Variants in MEIG1 observed in about 807,000 individuals in gnomAD.
MEIG1 encodes meiosis/spermiogenesis associated 1.
Under a neutral mutation model 11.3 loss-of-function variants are expected in MEIG1, and 12 were observed. The observed-to-expected ratio is 1.07, with a 90% confidence interval of 0.68 to 1.73. The LOEUF (loss-of-function observed/expected upper bound fraction) is 1.73, where lower values mean the gene tolerates loss of function less well. Ranked by LOEUF, MEIG1 falls within the 40% of genes most tolerant of loss-of-function variation. The pLI is 0.00. For synonymous variants in MEIG1, 41 were observed against 33.2 expected (o/e 1.24, Z -0.81); for missense variants, 119 against 104.9 (o/e 1.13, Z -0.59).
Position 14,964,636 on chromosome 10 carries a change from CTTTTTTTT to C in MEIG1, c.-29-1789_-29-1782del, listed in dbSNP as rs35249492. Among the ~76,000 whole-genome samples, 5 of 49,224 alleles carry C rather than the reference CTTTTTTTT, an allele frequency of 1.0e-4. No homozygotes were observed. In the South Asian group the frequency reaches 4.9e-3, roughly 48 times the overall value. The allele number at this position is 49,224 out of a possible 152,430, so 32.3% of individuals were successfully genotyped here. A position where few individuals can be genotyped will look rare whatever the true frequency, so the allele number is the denominator to read the frequency against. ...ACACACACACACATATATATGTATA[CTTTTTTTT>C]TTTTTTTTTTTTTTGGAGCCAGAGT... is the stretch of plus-strand genomic sequence containing the variant. On this transcript the variant is annotated intron_variant, in intron 1 of 2. Coordinates refer to ENST00000407572, the MANE Select transcript of MEIG1 (RefSeq NM_001080836.3).
chr10:14,970,027 C>T lies in MEIG1; in HGVS notation c.139-2486C>T, dbSNP rs535281093. 2.0e-5 allele frequency among the ~76,000 whole-genome samples: 3 copies of T among 152,286 alleles called. No homozygotes were observed. In the South Asian group the frequency reaches 6.2e-4, roughly 32 times the overall value. On this transcript the variant is annotated intron_variant, in intron 2 of 2. Transcript: ENST00000407572. ...ATCACTTCCTTCCAGGGACAATCCC[C>T]AGAGAGGGCTTAGTGTCCCCAGTGG...
chr10:14,987,016 T>C (rs892669896), intron 2 of MEIG1: 15 of 628,906 alleles, frequency 2.4e-5, no homozygotes, highest in South Asian at 1.3e-4. Flanking sequence ...GACACAGAGG[T>C]GAGGATTCAT....
intron 1 of MEIG1, among the ~76,000 whole-genome samples, chr10:14,981,165 G>A (rs1178470304): frequency 8.6e-5 from 13 of 150,718 alleles, no homozygotes; most frequent in African/African-American, 3.2e-4. Flanking sequence ...AGTCTTAACT[G>A]GCCAACTCTG....
At chr10:14,985,703 C>A (rs1843311905) in intron 1 of MEIG1, among the ~76,000 whole-genome samples, 1 of 151,854 alleles carries the variant, frequency 6.6e-6, no homozygotes, top group Admixed American at 6.6e-5. Flanking sequence ...AGGTGTACAC[C>A]TTGTGACGTG....
chr10:14,976,839 C>T (rs1843215026), downstream of MEIG1, among the ~76,000 whole-genome samples: 1 of 151,974 alleles, frequency 6.6e-6, no homozygotes, highest in African/African-American at 2.4e-5. Flanking sequence ...CGTGTAGACC[C>T]TGTCATGAAA....
chr10:14,958,143 C>T (rs1028524471), upstream of MEIG1, among the ~76,000 whole-genome samples: 1 of 152,148 alleles, frequency 6.6e-6, no homozygotes, highest in Non-Finnish European at 1.5e-5. Flanking sequence ...TACTAAAAGA[C>T]ATGAAGAAGG....
intron 1 of MEIG1, among the ~76,000 whole-genome samples, chr10:14,961,155 G>A (rs1295976953): frequency 6.6e-6 from 1 of 152,194 alleles, no homozygotes; most frequent in Non-Finnish European, 1.5e-5. Flanking sequence ...AACGTCCTCA[G>A]AACACTTAGC....
At position 14,972,657 on chromosome 10, in the gene MEIG1, T is replaced by A; in HGVS notation, c.*16T>A. The A allele has an allele frequency of 6.4e-7, 1 of 1,574,406 alleles. No homozygotes were observed. On this transcript the variant is annotated 3_prime_UTR_variant, in exon 3 of 3. Transcript: ENST00000407572. ...TGCTTACTAGCCTGTCTTCTTTGTA[T>A]TACTTGTCAATTATATTTTAAGTAT...
chr10:14,978,934 G>A (rs540567446), intron 1 of MEIG1, among the ~76,000 whole-genome samples: 1 of 152,124 alleles, frequency 6.6e-6, no homozygotes, highest in Admixed American at 6.5e-5. Flanking sequence ...AATCACAGGT[G>A]TTCTACACCC....
At chr10:14,975,191 A>G (rs1843197647), downstream of MEIG1, among the ~76,000 whole-genome samples, 1 of 151,886 alleles carries the variant, frequency 6.6e-6, no homozygotes, top group African/African-American at 2.4e-5. Flanking sequence ...GGAAATGTAC[A>G]CCCTTTCTGT....
downstream of MEIG1, among the ~76,000 whole-genome samples, chr10:14,975,088 T>C (rs1843196637): frequency 6.6e-6 from 1 of 152,080 alleles, no homozygotes; most frequent in Non-Finnish European, 1.5e-5. Flanking sequence ...GCGTATGACG[T>C]TACTCCCAAT....
At chr10:14,966,063 A>ATTTTT (rs1554805988) in intron 1 of MEIG1, among the ~76,000 whole-genome samples, 2 of 58,096 alleles carry the variant, frequency 3.4e-5, no homozygotes, top group Non-Finnish European at 6.9e-5. Context: ...AGTTTTATTT[A>ATTTTT]TTCTTTTTTT....
upstream of MEIG1, among the ~76,000 whole-genome samples, chr10:14,956,078 C>G (rs1842945048): frequency 6.6e-6 from 1 of 152,136 alleles, no homozygotes; most frequent in Non-Finnish European, 1.5e-5. Flanking sequence ...CCTCTTTCCA[C>G]AATGGATACA....
chr10:14,987,307 G>T, intron 2 of MEIG1: 2 of 806,026 alleles, frequency 2.5e-6, no homozygotes, highest in South Asian at 1.4e-5. Context: ...TGCTGAGCAG[G>T]TTCCTCAGAA....
At chr10:14,981,315 C>A (rs12257966) in intron 1 of MEIG1, among the ~76,000 whole-genome samples, 52,614 of 151,552 alleles carry the variant, frequency 0.35, 9,289 homozygotes, top group South Asian at 0.43. Flanking sequence ...TGGTGGGTAA[C>A]TTTAGCAGCA....
At position 14,966,620 on chromosome 10, in the gene MEIG1, C is replaced by A; in HGVS notation, c.138+14C>A. ...CAAGTTTCTATGGTAAGATTTCTGT[C>A]TCTACAAACCTCAACTCGAAATGTA... On this transcript the variant is annotated intron_variant, in intron 2 of 2. Transcript: ENST00000407572. 6.3e-7 allele frequency: 1 copy of A among 1,599,048 alleles called. No homozygotes were observed. Among genetic ancestry groups the A allele is most frequent in the Non-Finnish European group, 8.5e-7 (1 of 1,174,824 alleles).
Position 14,972,602 on chromosome 10 carries a change from T to C in MEIG1, c.228T>C (p.Asp76=). The change falls in exon 3 of 3, where the codon GAT becomes GAC. Residue 76 remains aspartate, a synonymous_variant. Transcript: ENST00000407572. The stretch of plus-strand genomic sequence containing the variant: ...ACTACAACAAACAGAGGGAATGTGA[T>C]GACAAAGAAGTCCACAAAGTGAAAA... ...FYYYNKQREC[D]DKEVHKVKIY... is the part of the protein sequence containing the mutation. The C allele has an allele frequency of 4.3e-6, 7 of 1,613,050 alleles. No individual in the cohort carries two copies. Among genetic ancestry groups the C allele is most frequent in the Non-Finnish European group, 5.9e-6 (7 of 1,179,602 alleles).
chr10:14,983,719 T>C (rs1429524425), intron 1 of MEIG1, among the ~76,000 whole-genome samples: 2 of 152,076 alleles, frequency 1.3e-5, no homozygotes, highest in African/African-American at 2.4e-5. Context: ...TTTTTTGTAA[T>C]GTGCAGGGCG....
chr10:14,981,942 C>T (rs180755473), intron 1 of MEIG1, among the ~76,000 whole-genome samples: 4 of 152,266 alleles, frequency 2.6e-5, no homozygotes, highest in African/African-American at 9.6e-5. Flanking sequence ...CGCTTTTCCT[C>T]GCGGCTTACT....
Sources: gnomAD v4.1 joint callset for allele counts (sites outside exome capture counted in the v4.1 genomes callset) on GRCh38, gnomAD v4.1.1 for gene constraint, MANE v1.5 for transcripts, NCBI Gene and HGNC (gene_info 2026-07-23, HGNC 2026-07-21) for gene names.